DENND1A: variants seen among roughly 807,000 people sequenced by gnomAD.
The protein encoded by DENND1A is DENN domain-containing protein 1A.
A neutral mutation model predicts 113.7 loss-of-function variants in DENND1A; 51 were observed. The observed-to-expected ratio is 0.45, with a 90% CI of 0.36 to 0.57. The LOEUF (loss-of-function observed/expected upper bound fraction) is 0.57, where lower values mean the gene tolerates loss of function less well. Among genes scored for constraint, DENND1A ranks in the 20% least tolerant of loss-of-function variants. The probability of loss-of-function intolerance (pLI) is 0.00; values close to 1 mark genes in which losing one functional copy is unlikely to be tolerated. For synonymous variants in DENND1A, 565 were observed against 570.8 expected, an observed-to-expected ratio of 0.99 and a Z score of 0.14; for missense variants, 1,258 against 1,395.9, an observed-to-expected ratio of 0.90 and a Z score of 1.57.
intron 1 of DENND1A, among the ~76,000 whole-genome samples, chr9:123,884,997 GCA>G (rs57555620): frequency 0.08 from 11,586 of 145,592 alleles, 515 homozygotes; most frequent in Middle Eastern, 0.11. Context: ...GAGCGCGCGC[GCA>G]CACACACACA....
intron 19 of DENND1A, chr9:123,414,338 G>T: frequency 7.1e-7 from 1 of 1,412,110 alleles, no homozygotes; most frequent in African/African-American, 1.4e-5. Flanking sequence ...AGGTTTCCCT[G>T]CCTCCAGCCT....
intron 17 of DENND1A, among the ~76,000 whole-genome samples, chr9:123,451,747 TCTA>T (rs1384180151): frequency 2.0e-5 from 3 of 152,186 alleles, no homozygotes; most frequent in Non-Finnish European, 4.4e-5. Flanking sequence ...CTCCCATTTC[TCTA>T]CTGTGGCAAA....
At position 123,381,222 on chromosome 9, in the gene DENND1A, G is replaced by GGGTTGATTCCCAGGCT. The variant is rs2042250722; in HGVS notation, c.*194_*209dup. The GGGTTGATTCCCAGGCT allele has an allele frequency of 1.6e-6, 1 of 608,714 alleles. No homozygotes were observed. Among genetic ancestry groups the GGGTTGATTCCCAGGCT allele is most frequent in the Non-Finnish European group, 2.9e-6 (1 of 346,940 alleles). The allele number at this position is 608,714 out of a possible 1,614,324, so 37.7% of individuals were successfully genotyped here. A position where few individuals can be genotyped will look rare whatever the true frequency, so the allele number is the denominator to read the frequency against. The stretch of plus-strand genomic sequence containing the variant: ...GGGGTGGGATGGGCACTCAGGAACT[G>GGGTTGATTCCCAGGCT]GGTTGATTCCCAGGCTGGAACTGGT... On this transcript the variant is annotated 3_prime_UTR_variant, in exon 24 of 24. Transcript: ENST00000394215. The surrounding 1 kb of genome is among the most constrained non-coding windows in gnomAD (Gnocchi z 4.7).
chr9:123,600,238 G>A (rs1439442080), intron 11 of DENND1A, among the ~76,000 whole-genome samples: 1 of 152,154 alleles, frequency 6.6e-6, no homozygotes, highest in East Asian at 1.9e-4. Flanking sequence ...TTCTTTGTAA[G>A]GGAAGGATAT....
rs537319684 is a variant in DENND1A, at chr9:123,546,288, C to T, written c.993+11282G>A. Among the ~76,000 whole-genome samples the T allele has an allele frequency of 5.3e-5, 8 of 152,240 alleles. No individual in the cohort carries two copies. The South Asian group carries it at 1.5e-3, about 28-fold the overall frequency. On this transcript the variant is annotated intron_variant, in intron 13 of 23. Coordinates refer to ENST00000394215, the MANE Select transcript of DENND1A (RefSeq NM_001352964.2). The stretch of plus-strand genomic sequence containing the variant: ...TATTGGCCGGGCGAGGTGGCTCACG[C>T]CTGTAATCCCAGCACTTTGGGAGGC...
chr9:123,563,867 G>C (rs1016896345), intron 12 of DENND1A, among the ~76,000 whole-genome samples: 5 of 152,032 alleles, frequency 3.3e-5, no homozygotes, highest in African/African-American at 1.2e-4. Context: ...TCGCAAACCT[G>C]GGATATTCTT....
chr9:123,720,504 T>C (rs1208217531), intron 5 of DENND1A, among the ~76,000 whole-genome samples: 3 of 152,176 alleles, frequency 2.0e-5, no homozygotes, highest in Non-Finnish European at 4.4e-5. Flanking sequence ...CAGCTCAGCC[T>C]AGCAAAGGAT....
chr9:123,671,191 G>T, intron 7 of DENND1A, 100 bp downstream of exon 7: 1 of 1,360,828 alleles, frequency 7.3e-7, no homozygotes, highest in Non-Finnish European at 1.0e-6. Context: ...AGGGTTAGGG[G>T]AGGTATGGCT....
At chr9:123,590,432 A>G (rs2059402029) in intron 11 of DENND1A, among the ~76,000 whole-genome samples, 1 of 152,174 alleles carries the variant, frequency 6.6e-6, no homozygotes. Flanking sequence ...AATCTCTACC[A>G]TCCACCAGCT....
intron 5 of DENND1A, among the ~76,000 whole-genome samples, chr9:123,722,405 T>A (rs1416797296): frequency 6.6e-6 from 1 of 152,234 alleles, no homozygotes; most frequent in South Asian, 2.1e-4. Context: ...TCAAGCCAGC[T>A]GCAGAAATTT....
At chr9:123,517,265 A>C (rs572176636) in intron 13 of DENND1A, among the ~76,000 whole-genome samples, 4 of 145,200 alleles carry the variant, frequency 2.8e-5, no homozygotes, top group East Asian at 2.1e-4. Context: ...AAAAAAAAAA[A>C]ACAAAAAACC....
intron 1 of DENND1A, among the ~76,000 whole-genome samples, chr9:123,902,202 CACACAT>C (rs968999293): frequency 4.8e-5 from 7 of 146,644 alleles, no homozygotes; most frequent in African/African-American, 1.3e-4. Context: ...CACACACACA[CACACAT>C]ACACACACAC....
chr9:123,407,352 C>T (rs1005775291), intron 20 of DENND1A, among the ~76,000 whole-genome samples: 4 of 152,054 alleles, frequency 2.6e-5, no homozygotes, highest in East Asian at 1.9e-4. Flanking sequence ...CGAGATACAT[C>T]GAGGCCTCCA....
rs1163363031 is a variant in DENND1A, at chr9:123,473,977, A to ACTTT, written c.994-16084_994-16081dup. Among the ~76,000 whole-genome samples the ACTTT allele has an allele frequency of 9.5e-5, 12 of 125,928 alleles. 1 individual carries two copies. The highest frequency in any genetic ancestry group is 3.5e-4 in the African/African-American group (11 of 31,876). 82.6% of individuals were successfully genotyped at this position (125,928 alleles called of 152,430 possible). On this transcript the variant is annotated intron_variant, in intron 13 of 23. Coordinates refer to ENST00000394215, the MANE Select transcript of DENND1A (RefSeq NM_001352964.2). ...CGCTCTGTAAAATGGGGTAACGTTT[A>ACTTT]CTTTCTTTCTTTTTTTTTTTTTTTT...
chr9:123,882,656 G>A (rs1262702225), intron 1 of DENND1A, among the ~76,000 whole-genome samples: 1 of 152,134 alleles, frequency 6.6e-6, no homozygotes, highest in African/African-American at 2.4e-5. Flanking sequence ...TATAGAGTCA[G>A]ATCACAACAT....
At chr9:123,832,394 A>G (rs1840361601) in intron 2 of DENND1A, among the ~76,000 whole-genome samples, 1 of 152,222 alleles carries the variant, frequency 6.6e-6, no homozygotes, top group Non-Finnish European at 1.5e-5. Context: ...TGGTGATGAT[A>G]TAGAGCAAGA....
intron 13 of DENND1A, among the ~76,000 whole-genome samples, chr9:123,522,791 A>G (rs1474764450): frequency 6.6e-6 from 1 of 152,180 alleles, no homozygotes; most frequent in Non-Finnish European, 1.5e-5. Flanking sequence ...GGAGCATACT[A>G]TATCTGCATT....
chr9:123,472,108 G>C (rs1232917162), intron 13 of DENND1A, among the ~76,000 whole-genome samples: 1 of 152,220 alleles, frequency 6.6e-6, no homozygotes, highest in Admixed American at 6.5e-5. Context: ...CACACAGCAG[G>C]TGCTCAGGGG....
intron 19 of DENND1A, chr9:123,414,390 G>A (rs2044553436): frequency 7.0e-7 from 1 of 1,430,300 alleles, no homozygotes; most frequent in Admixed American, 3.0e-5. Flanking sequence ...TTCCAGAGAG[G>A]ACTTAAAAAA....
Sources: allele counts gnomAD v4.1 joint callset (sites outside exome capture counted in the v4.1 genomes callset), GRCh38; gene constraint gnomAD v4.1.1; non-coding constraint Gnocchi (gnomAD v3.1); transcripts MANE v1.5; gene names NCBI Gene and HGNC (gene_info 2026-07-23, HGNC 2026-07-21).